Variants in RPS19BP1 observed in about 807,000 individuals in gnomAD.
RPS19BP1 encodes active regulator of SIRT1.
A neutral mutation model predicts 16.6 loss-of-function variants in RPS19BP1; 14 were observed. The ratio of observed to expected loss-of-function variants is 0.84; its 90% CI spans 0.56 to 1.32. The LOEUF is 1.32. Among genes scored for constraint, RPS19BP1 ranks in the 40% most tolerant of loss-of-function variants. The pLI is 0.00. For missense variants in RPS19BP1, 188 were observed against 178.6 expected (o/e 1.05, Z -0.30); for synonymous variants, 90 against 77.3 (o/e 1.16, Z -0.86).
chr22:39,532,717 G>A lies in RPS19BP1; in HGVS notation c.22C>T (p.Arg8Trp), dbSNP rs1190801344. ...GACGCCGCCAGCAGCTCCAGGCCCCGCCGCAGCAGGGCGGCGGACATGGCG... is the reference window on the plus strand; with the variant it reads ...GACGCCGCCAGCAGCTCCAGGCCCCACCGCAGCAGGGCGGCGGACATGGCG... Reference protein sequence around the residue: MSAALLRRGLELLAASEA... With the variant: MSAALLRWGLELLAASEA... Residue 8 changes from arginine to tryptophan, a missense_variant, in exon 1 of 4, where the codon CGG (arginine) becomes TGG (tryptophan). Physicochemically the swap from Arg to Trp is moderately radical, Grantham distance 101. Transcript: ENST00000334678. 4.5e-6 allele frequency: 7 copies of A among 1,544,464 alleles called. No homozygotes were observed. The highest frequency in any genetic ancestry group is 1.7e-4 in the Middle Eastern group (1 of 5,862).
At chr22:39,532,646 C>T (rs1367049028) in intron 1 of RPS19BP1, 41 bp downstream of exon 1, 1 of 1,578,768 alleles carries the variant, frequency 6.3e-7, no homozygotes, top group Non-Finnish European at 8.6e-7. Flanking sequence ...CACTACCATC[C>T]TCCTGCCCGC....
Position 39,529,936 on chromosome 22 carries a change from G to A in RPS19BP1, c.182-19C>T. 1 of 1,601,722 alleles carries A rather than the reference G, an allele frequency of 6.2e-7. No homozygotes were observed. The highest frequency in any genetic ancestry group is 1.7e-4 in the Middle Eastern group (1 of 6,034). The stretch of plus-strand genomic sequence containing the variant: ...TACTCGTCTGTGGGTAGCAGGCAGG[G>A]AGCACCATTTCAGATTCACTCCCCC... On this transcript the variant is annotated intron_variant, in intron 2 of 3. Transcript: ENST00000334678.
intron 2 of RPS19BP1, 61 bp downstream of exon 2, chr22:39,532,334 C>A: frequency 1.9e-6 from 3 of 1,610,600 alleles, no homozygotes; most frequent in Non-Finnish European, 2.5e-6. Context: ...CAAGCGCCAC[C>A]TCCTCTGGGG....
In RPS19BP1 at chr22:39,529,462, A is replaced by T; in HGVS notation, c.*30T>A. Reference sequence around the variant, plus strand: ...CAGGAGTCGGAGGCTGCAGGGCTTGAAGGCCTCTTCACCGTGCCCTCCAGG... The same window carrying T: ...CAGGAGTCGGAGGCTGCAGGGCTTGTAGGCCTCTTCACCGTGCCCTCCAGG... On this transcript the variant is annotated 3_prime_UTR_variant, in exon 4 of 4. Transcript: ENST00000334678. The T allele has an allele frequency of 6.2e-7, 1 of 1,612,718 alleles. No homozygotes were observed. The highest frequency in any genetic ancestry group is 8.5e-7 in the Non-Finnish European group (1 of 1,179,490).
rs138779327 is a variant in RPS19BP1 at position 39,529,560 on chromosome 22, T to C, written c.343A>G (p.Lys115Glu). The change falls in exon 4 of 4, where the codon AAG becomes GAG. Residue 115 changes from lysine (K) to glutamate (E), a missense_variant. Physicochemically the swap from Lys to Glu is moderately conservative, Grantham distance 56 (BLOSUM62 1). Coordinates refer to ENST00000334678, the MANE Select transcript of RPS19BP1 (RefSeq NM_194326.4). The part of the protein sequence containing the change: ...DRPVAKTKKK[K>E]AEGTVFTEED... Reference sequence around the variant, plus strand: ...TCGGTGAACACGGTGCCCTCAGCCTTCTTCTTCTTGGTCTTGGCCACAGGC... The same window carrying C: ...TCGGTGAACACGGTGCCCTCAGCCTCCTTCTTCTTGGTCTTGGCCACAGGC... 6.6e-5 allele frequency: 107 copies of C among 1,613,980 alleles called. No individual in the cohort carries two copies. Among genetic ancestry groups the C allele is most frequent in the Admixed American group, 3.0e-4 (18 of 60,012 alleles).
rs972928185 is a variant in RPS19BP1 at position 39,530,021 on chromosome 22, A to T, written c.182-104T>A. ...CCAAAGACCTCATCGTTCCCTTCCC[A>T]GGTTATTACAGCGGCTGGGCTCTTC... On this transcript the variant is annotated intron_variant, in intron 2 of 3. Coordinates refer to ENST00000334678, the MANE Select transcript of RPS19BP1 (RefSeq NM_194326.4). 5 of 864,338 alleles carry T rather than the reference A, an allele frequency of 5.8e-6. No homozygotes were observed. The African/African-American group carries it at 8.4e-5, about 15-fold the overall frequency. The allele number at this position is 864,338 out of a possible 1,614,324, so 53.5% of individuals were successfully genotyped here.
In RPS19BP1 at chr22:39,529,129, CCTT is replaced by C; in HGVS notation, c.*360_*362del. On this transcript the variant is annotated 3_prime_UTR_variant, in exon 4 of 4. Coordinates refer to ENST00000334678, the MANE Select transcript of RPS19BP1 (RefSeq NM_194326.4). ...CATTTATTGTAACTTGGAAGCCCACCCTTCTTCCTACTCCTGGAGCTGTCGTCC... is the reference window on the plus strand; with the variant it reads ...CATTTATTGTAACTTGGAAGCCCACCCTTCCTACTCCTGGAGCTGTCGTCC... 3.7e-6 allele frequency: 1 copy of C among 273,212 alleles called. No homozygotes were observed. The highest frequency in any genetic ancestry group is 7.2e-6 in the Non-Finnish European group (1 of 139,378). The allele number at this position is 273,212 out of a possible 1,614,324, so 16.9% of individuals were successfully genotyped here.
At chr22:39,530,735 A>AC (rs1491160610) in intron 2 of RPS19BP1, 2 of 154,782 alleles carry the variant, frequency 1.3e-5, no homozygotes, top group African/African-American at 2.4e-5. Context: ...CAAAAAAAAA[A>AC]AAAACAAACC....
Position 39,529,438 on chromosome 22 carries a change from A to G in RPS19BP1, c.*54T>C, listed in dbSNP as rs1931243899. 2.4e-5 allele frequency: 39 copies of G among 1,604,504 alleles called. No homozygotes were observed. The South Asian group carries it at 3.6e-4, about 15-fold the overall frequency. ...GGCACGGCCGGTTCCTGGAGCCAGC[A>G]GGAGTCGGAGGCTGCAGGGCTTGAA... On this transcript the variant is annotated 3_prime_UTR_variant, in exon 4 of 4. Transcript: ENST00000334678.
At chr22:39,532,329 GC>G in intron 2 of RPS19BP1, 65 bp downstream of exon 2, 1 of 1,608,714 alleles carries the variant, frequency 6.2e-7, no homozygotes. Flanking sequence ...TGCCTCAAGC[GC>G]CACCTCCTCT....
chr22:39,530,039 G>T, intron 2 of RPS19BP1, 122 bp from the exon 3 acceptor site: 1 of 757,606 alleles, frequency 1.3e-6, no homozygotes, highest in Non-Finnish European at 2.2e-6. Context: ...ACAGCGGCTG[G>T]GCTCTTCTCC....
At position 39,529,210 on chromosome 22, in the gene RPS19BP1, C is replaced by A; in HGVS notation, c.*282G>T. 1 of 456,234 alleles carries A rather than the reference C, an allele frequency of 2.2e-6. No individual in the cohort carries two copies. Among genetic ancestry groups the A allele is most frequent in the South Asian group, 2.4e-5 (1 of 42,428 alleles). 28.3% of individuals were successfully genotyped at this position (456,234 alleles called of 1,614,324 possible). On this transcript the variant is annotated 3_prime_UTR_variant, in exon 4 of 4. Transcript: ENST00000334678. The stretch of plus-strand genomic sequence containing the variant: ...CACAGCAAACAGCCCAGAGGCCCCA[C>A]CTGGGCAAAAGCAAACAAAACAGAT...
rs778992990 is a variant in RPS19BP1, at chr22:39,529,805, G to A, written c.279+15C>T. 8.7e-6 allele frequency: 14 copies of A among 1,612,736 alleles called. No homozygotes were observed. The highest frequency in any genetic ancestry group is 1.2e-5 in the Non-Finnish European group (14 of 1,178,844). On this transcript the variant is annotated intron_variant, in intron 3 of 3. Transcript: ENST00000334678. ...CTCACCTCCCAGGTCCCTTCCTATA[G>A]TACCCTCGACCAACCTGCTGGCTCA...
In RPS19BP1 at chr22:39,529,594, G is replaced by C; in HGVS notation, c.309C>G (p.Ala103=). 2 of 1,614,164 alleles carry C rather than the reference G, an allele frequency of 1.2e-6. No homozygotes were observed. Among genetic ancestry groups the C allele is most frequent in the Non-Finnish European group, 1.7e-6 (2 of 1,180,026 alleles). The stretch of plus-strand genomic sequence containing the variant: ...TGGTCTTGGCCACAGGCCGGTCACA[G>C]GCCTTGCGGCCCCGGTTCTGGCGCA... The part of the protein sequence containing the change: ...QILRQNRGRK[A]CDRPVAKTKK... Residue 103 remains alanine (A), a synonymous_variant, in exon 4 of 4, where the codon GCC becomes GCG. Coordinates refer to ENST00000334678, the MANE Select transcript of RPS19BP1 (RefSeq NM_194326.4).
At position 39,532,551 on chromosome 22, in the gene RPS19BP1, C is replaced by G. The variant is rs754559375; in HGVS notation, c.53-28G>C. On this transcript the variant is annotated intron_variant, in intron 1 of 3. Transcript: ENST00000334678. The stretch of plus-strand genomic sequence containing the variant: ...GTAGGGGAAGAGAGAGGAAGAGACC[C>G]AGGTCAGAGGGCGCGCAGCGTTCCC... 5 of 1,612,996 alleles carry G rather than the reference C, an allele frequency of 3.1e-6. No individual in the cohort carries two copies. The South Asian group carries it at 5.5e-5, about 18-fold the overall frequency.
rs1931234451 is a variant in RPS19BP1 at position 39,529,136 on chromosome 22, C to T, written c.*356G>A. Reference sequence around the variant, plus strand: ...TGTAACTTGGAAGCCCACCCTTCTTCCTACTCCTGGAGCTGTCGTCCCCAA... The same window carrying T: ...TGTAACTTGGAAGCCCACCCTTCTTTCTACTCCTGGAGCTGTCGTCCCCAA... On this transcript the variant is annotated 3_prime_UTR_variant, in exon 4 of 4. Coordinates refer to ENST00000334678, the MANE Select transcript of RPS19BP1 (RefSeq NM_194326.4). The T allele has an allele frequency of 7.0e-6, 2 of 285,880 alleles. No homozygotes were observed. 17.7% of individuals were successfully genotyped at this position (285,880 alleles called of 1,614,324 possible).
In RPS19BP1 at chr22:39,529,608, G is replaced by A. The variant is rs1359531283; in HGVS notation, c.295C>T (p.Arg99Trp). Residue 99 changes from arginine (R) to tryptophan (W), a missense_variant, in exon 4 of 4, where the codon CGG (arginine) becomes TGG (tryptophan). Physicochemically the swap from Arg to Trp is moderately radical, Grantham distance 101 (BLOSUM62 -3). Coordinates refer to ENST00000334678, the MANE Select transcript of RPS19BP1 (RefSeq NM_194326.4). ...GGCCGGTCACAGGCCTTGCGGCCCC[G>A]GTTCTGGCGCAAAATCTGGCGAGGG... ...SVSQQILRQN[R>W]GRKACDRPVA... is the part of the protein sequence containing the mutation. 3.1e-6 allele frequency: 5 copies of A among 1,613,950 alleles called. No homozygotes were observed. The highest frequency in any genetic ancestry group is 2.7e-5 in the African/African-American group (2 of 74,930).
Position 39,529,399 on chromosome 22 carries a change from T to C in RPS19BP1, c.*93A>G, listed in dbSNP as rs565985927. ...GAGCCAGGCTGGTCCTGCATCGCCA[T>C]CTGCTGGCCGCGCGGCACGGCCGGT... is the stretch of plus-strand genomic sequence containing the variant. On this transcript the variant is annotated 3_prime_UTR_variant, in exon 4 of 4. Coordinates refer to ENST00000334678, the MANE Select transcript of RPS19BP1 (RefSeq NM_194326.4). 8 of 1,539,298 alleles carry C rather than the reference T, an allele frequency of 5.2e-6. No homozygotes were observed. In the South Asian group the frequency reaches 8.2e-5, roughly 16 times the overall value.
chr22:39,530,522 G>C (rs565359296), intron 2 of RPS19BP1: 1 of 270,084 alleles, frequency 3.7e-6, no homozygotes, highest in South Asian at 2.8e-5. Context: ...TCAGGAGTTC[G>C]AGATCAGCGT....
Sources: gnomAD v4.1 joint callset for allele counts on GRCh38, gnomAD v4.1.1 for gene constraint, MANE v1.5 for transcripts, NCBI Gene and HGNC (gene_info 2026-07-23, HGNC 2026-07-21) for gene names.